The following RARB variants were observed in gnomAD, a reference collection of about 807,000 sequenced individuals.
The protein encoded by RARB is retinoic acid receptor beta, also known as HBV-activated protein.
Under a neutral mutation model 51.9 loss-of-function variants are expected in RARB, and 17 were observed. The observed-to-expected ratio is 0.33, with a 90% CI of 0.22 to 0.49. RARB has a LOEUF of 0.49. Ranked by LOEUF, RARB falls within the 20% of genes least tolerant of loss-of-function variation. The pLI is 0.99. For missense variants in RARB, 369 were observed against 550.8 expected, an observed-to-expected ratio of 0.67 and a Z score of 3.30; for synonymous variants, 215 against 195.4, an observed-to-expected ratio of 1.10 and a Z score of -0.84.
intron 5 of RARB, among the ~76,000 whole-genome samples, chr3:25,320,260 C>G (rs1456212511): frequency 6.6e-6 from 1 of 151,796 alleles, no homozygotes; most frequent in Non-Finnish European, 1.5e-5. Context: ...TTCTTTTTTT[C>G]CTTACACCTT....
intron 5 of RARB, chr3:25,259,028 A>G (rs1034920246): frequency 1.0e-6 from 1 of 985,190 alleles, no homozygotes. Context: ...ACTGCTTCTG[A>G]TATTAGTAGG....
rs1023190583 is a variant in RARB, at chr3:25,233,370, T to A, written c.178+58795T>A. 5.3e-5 allele frequency among the ~76,000 whole-genome samples: 8 copies of A among 152,318 alleles called. No individual in the cohort carries two copies. In the East Asian group the frequency reaches 1.5e-3, roughly 29 times the overall value. On this transcript the variant is annotated intron_variant, in intron 5 of 11. Transcript: ENST00000383772. Reference sequence around the variant, plus strand: ...TATAGTAAAACAAGTGATTTTTTTTTATGTGTTGACCTTACGTCCTGCAAC... The same window carrying A: ...TATAGTAAAACAAGTGATTTTTTTTAATGTGTTGACCTTACGTCCTGCAAC...
At chr3:25,365,207 T>C (rs919925908) in intron 5 of RARB, among the ~76,000 whole-genome samples, 18 of 130,858 alleles carry the variant, frequency 1.4e-4, no homozygotes, top group African/African-American at 5.2e-4. Flanking sequence ...TTCTTTTTTT[T>C]TTTTTTTTTT....
intron 2 of RARB, among the ~76,000 whole-genome samples, chr3:24,980,986 C>T (rs1361808893): frequency 1.3e-5 from 2 of 151,414 alleles, no homozygotes; most frequent in Non-Finnish European, 3.0e-5. Flanking sequence ...GATGCTATTC[C>T]TTTCGTTTTG....
intron 5 of RARB, among the ~76,000 whole-genome samples, chr3:25,405,035 A>G (rs144488072): frequency 6.6e-5 from 10 of 152,284 alleles, no homozygotes; most frequent in Admixed American, 2.0e-4. Context: ...CAGGCTAACT[A>G]TAGATCTGGT....
At chr3:25,231,244 A>C (rs1373781933) in intron 5 of RARB, among the ~76,000 whole-genome samples, 1 of 152,202 alleles carries the variant, frequency 6.6e-6, no homozygotes, top group African/African-American at 2.4e-5. Flanking sequence ...GGGATTGTTC[A>C]TCAAGACAGG....
rs118120749 is a variant in RARB at position 25,198,011 on chromosome 3, C to T, written c.178+23436C>T. On this transcript the variant is annotated intron_variant, in intron 5 of 11. Transcript: ENST00000383772. ...GCATAAAGAACAAAACTGGAAGAATCACATTACCTGACTTCAAATGTACTA... is the reference window on the plus strand; with the variant it reads ...GCATAAAGAACAAAACTGGAAGAATTACATTACCTGACTTCAAATGTACTA... Among the ~76,000 whole-genome samples the T allele has an allele frequency of 3.2e-3, 487 of 152,042 alleles. 25 individuals carry two copies. The East Asian group carries it at 0.066, about 21-fold the overall frequency.
chr3:25,093,531 A>G (rs1362364250), intron 3 of RARB, among the ~76,000 whole-genome samples: 1 of 152,140 alleles, frequency 6.6e-6, no homozygotes, highest in East Asian at 1.9e-4. Context: ...AAAGCTAATG[A>G]GAGACCACCA....
chr3:25,199,858 A>G (rs1348896641), intron 5 of RARB, among the ~76,000 whole-genome samples: 16 of 152,188 alleles, frequency 1.1e-4, no homozygotes, highest in Admixed American at 6.6e-4. Context: ...TTGGACATTC[A>G]GGTTGGTTCC....
intron 2 of RARB, among the ~76,000 whole-genome samples, chr3:24,944,639 A>T (rs1216789146): frequency 6.6e-6 from 1 of 152,202 alleles, no homozygotes. Context: ...CTTAGGTGCC[A>T]AGTTGATTAT....
At chr3:25,299,076 T>A (rs559856910) in intron 5 of RARB, among the ~76,000 whole-genome samples, 1 of 152,316 alleles carries the variant, frequency 6.6e-6, no homozygotes, top group East Asian at 1.9e-4. Context: ...ACAAGGTCAG[T>A]GTATTAGCCC....
At chr3:24,896,390 G>A (rs1703479693) in intron 2 of RARB, among the ~76,000 whole-genome samples, 1 of 152,108 alleles carries the variant, frequency 6.6e-6, no homozygotes, top group African/African-American at 2.4e-5. Context: ...CTCCTGAGTA[G>A]CTGGGATTAC....
rs574196671 is a variant in RARB at position 25,006,447 on chromosome 3, C to A, written c.-379-53678C>A. Among the ~76,000 whole-genome samples the A allele has an allele frequency of 2.6e-5, 4 of 152,258 alleles. No homozygotes were observed. In the South Asian group the frequency reaches 8.3e-4, roughly 32 times the overall value. On this transcript the variant is annotated intron_variant, in intron 2 of 11. Transcript: ENST00000383772. ...CTTTCAAATAAAGAAAACTACCCAT[C>A]TGTAATTGAATGGCTGTGGTATTGA...
rs374885140 is a variant in RARB, at chr3:25,438,036, G to T, written c.157+9148G>T. On this transcript the variant is annotated intron_variant, in intron 1 of 7. Coordinates refer to ENST00000330688, the MANE Select transcript of RARB (RefSeq NM_000965.5). ...CTCCGCTGGGCAGACCCTCTGCTCC[G>T]CATGCTGTCAGCTGGGGCTGAATCA... Among the ~76,000 whole-genome samples, 4 of 152,258 alleles carry T rather than the reference G, an allele frequency of 2.6e-5. No individual in the cohort carries two copies. The East Asian group carries it at 5.8e-4, about 22-fold the overall frequency.
At chr3:25,331,390 T>G (rs762110940) in intron 5 of RARB, among the ~76,000 whole-genome samples, 32 of 152,196 alleles carry the variant, frequency 2.1e-4, no homozygotes, top group Non-Finnish European at 3.5e-4. Context: ...ACAGCTCAAC[T>G]ACATGGAAAC....
chr3:25,489,972 G>A (rs576052373), intron 2 of RARB, among the ~76,000 whole-genome samples: 25 of 152,370 alleles, frequency 1.6e-4, no homozygotes, highest in African/African-American at 4.8e-4. Context: ...CATTTTGAGA[G>A]CTGGAGCTTA....
chr3:25,529,686 T>G (rs1477163808), intron 3 of RARB, among the ~76,000 whole-genome samples: 1 of 152,154 alleles, frequency 6.6e-6, no homozygotes, highest in Non-Finnish European at 1.5e-5. Context: ...ATCTTGATCA[T>G]AGTGGTTTTC....
chr3:24,853,582 A>G (rs979413530), intron 1 of RARB, among the ~76,000 whole-genome samples: 3 of 152,190 alleles, frequency 2.0e-5, no homozygotes, highest in Non-Finnish European at 2.9e-5. Context: ...AACACAATAG[A>G]AAGTCCAGTC....
At chr3:25,368,398 T>G (rs1257552680) in intron 5 of RARB, among the ~76,000 whole-genome samples, 1 of 152,158 alleles carries the variant, frequency 6.6e-6, no homozygotes, top group Non-Finnish European at 1.5e-5. Flanking sequence ...GGAGAAAAAC[T>G]TAGTATTTCT....
Sources: allele counts gnomAD v4.1 joint callset (sites outside exome capture counted in the v4.1 genomes callset), GRCh38; gene constraint gnomAD v4.1.1; transcripts MANE v1.5; gene names NCBI Gene and HGNC (gene_info 2026-07-23, HGNC 2026-07-21).